RHEX: variants seen among roughly 807,000 people sequenced by gnomAD.
The protein encoded by RHEX is regulator of hemoglobinization and erythroid cell expansion, also known as regulator of hemoglobinization and erythroid cell expansion protein.
A neutral mutation model predicts 20.1 loss-of-function variants in RHEX; 18 were observed. The ratio of observed to expected loss-of-function variants is 0.90; its 90% CI spans 0.62 to 1.33. The LOEUF is 1.33. RHEX is among the 40% of genes most tolerant of loss of function. The pLI is 0.00. For missense variants in RHEX, 192 were observed against 214.3 expected (o/e 0.90, Z 0.65); for synonymous variants, 87 against 77.1 (o/e 1.13, Z -0.67).
chr1:206,078,770 G>A (rs782798404), intron 1 of RHEX, among the ~76,000 whole-genome samples: 4 of 152,062 alleles, frequency 2.6e-5, no homozygotes, highest in Non-Finnish European at 5.9e-5. Context: ...AAGGGGAAGG[G>A]TGGTAGAGGT....
intron 1 of RHEX, among the ~76,000 whole-genome samples, chr1:206,087,697 A>G (rs1367120532): frequency 6.6e-6 from 1 of 152,222 alleles, no homozygotes; most frequent in Non-Finnish European, 1.5e-5. Flanking sequence ...GGTGAGATAT[A>G]ATTTATTTAG....
At chr1:206,085,270 C>T (rs537548416) in intron 1 of RHEX, among the ~76,000 whole-genome samples, 17 of 152,192 alleles carry the variant, frequency 1.1e-4, no homozygotes, top group South Asian at 2.1e-4. Context: ...CTATCCCTGC[C>T]GTGTTTTTAC....
chr1:206,062,817 C>T (rs1553283492), intron 1 of RHEX, among the ~76,000 whole-genome samples: 1 of 152,164 alleles, frequency 6.6e-6, no homozygotes, highest in Non-Finnish European at 1.5e-5. Context: ...TGGAACTTTA[C>T]AATTGATTTA....
At chr1:206,090,766 ATAT>A (rs1258480781) in intron 1 of RHEX, among the ~76,000 whole-genome samples, 3 of 151,844 alleles carry the variant, frequency 2.0e-5, no homozygotes, top group Non-Finnish European at 4.4e-5. Context: ...CTTATAATTA[ATAT>A]TATATTTAGA....
chr1:206,064,048 C>T lies in RHEX; in HGVS notation c.-97+10783C>T, dbSNP rs577181456. 4.6e-5 allele frequency among the ~76,000 whole-genome samples: 7 copies of T among 151,300 alleles called. No individual in the cohort carries two copies. In the East Asian group the frequency reaches 7.9e-4, roughly 17 times the overall value. ...GGGGAGCGCCTTTGCCCCGCCGCCCCGTCTGGGATGTGAGGAGCGCCTCTG... is the reference window on the plus strand; with the variant it reads ...GGGGAGCGCCTTTGCCCCGCCGCCCTGTCTGGGATGTGAGGAGCGCCTCTG... On this transcript the variant is annotated intron_variant, in intron 1 of 5. Transcript: ENST00000331555.
At chr1:206,096,634 G>A (rs1663072818) in intron 1 of RHEX, among the ~76,000 whole-genome samples, 1 of 152,164 alleles carries the variant, frequency 6.6e-6, no homozygotes, top group Non-Finnish European at 1.5e-5. Context: ...AGACAGCTCT[G>A]CCCCTTTTTC....
At chr1:206,063,674 G>A (rs1471384500) in intron 1 of RHEX, among the ~76,000 whole-genome samples, 2 of 152,268 alleles carry the variant, frequency 1.3e-5, no homozygotes, top group African/African-American at 2.4e-5. Flanking sequence ...GATTGCAGAC[G>A]GAGTCTGGTT....
chr1:206,093,975 A>T (rs1205150689), intron 1 of RHEX, among the ~76,000 whole-genome samples: 2 of 152,158 alleles, frequency 1.3e-5, no homozygotes, highest in African/African-American at 4.8e-5. Context: ...CACCGTGCCC[A>T]GCCTAAAGTT....
intron 1 of RHEX, among the ~76,000 whole-genome samples, chr1:206,075,530 T>C (rs1368760502): frequency 6.6e-6 from 1 of 152,070 alleles, no homozygotes; most frequent in Non-Finnish European, 1.5e-5. Context: ...AAAGCATCTG[T>C]TGGTTATAAA....
At chr1:206,093,595 C>A (rs1037036108) in intron 1 of RHEX, among the ~76,000 whole-genome samples, 3 of 152,094 alleles carry the variant, frequency 2.0e-5, no homozygotes, top group Non-Finnish European at 2.9e-5. Context: ...TCATAGAAAT[C>A]ATCTTCTATT....
intron 1 of RHEX, among the ~76,000 whole-genome samples, chr1:206,084,304 A>G (rs1362683069): frequency 6.6e-6 from 1 of 152,212 alleles, no homozygotes; most frequent in Non-Finnish European, 1.5e-5. Context: ...AAAAGCTAAT[A>G]ACAGCACAAA....
intron 5 of RHEX, 92 bp downstream of exon 5, chr1:206,101,289 T>C (rs1208286194): frequency 1.0e-6 from 1 of 993,174 alleles, no homozygotes; most frequent in Admixed American, 2.2e-5. Context: ...CCCAGCTATG[T>C]AGTGGGAGCA....
intron 1 of RHEX, among the ~76,000 whole-genome samples, chr1:206,062,705 G>T (rs962027157): frequency 6.6e-6 from 1 of 152,308 alleles, no homozygotes; most frequent in South Asian, 2.1e-4. Flanking sequence ...GGAAGCATGG[G>T]GGCCACCTGA....
At chr1:206,097,332 C>A (rs989588505) in intron 1 of RHEX, among the ~76,000 whole-genome samples, 2 of 152,018 alleles carry the variant, frequency 1.3e-5, no homozygotes, top group African/African-American at 4.8e-5. Flanking sequence ...TGACCTGTGG[C>A]GCTTCTTGGC....
In RHEX at chr1:206,080,709, A is replaced by G. The variant is rs554928759; in HGVS notation, c.-96-17024A>G. On this transcript the variant is annotated intron_variant, in intron 1 of 5. Coordinates refer to ENST00000331555, the MANE Select transcript of RHEX (RefSeq NM_001007544.4). ...CTCAAAGCAGAGATAAGGGGGCCAC[A>G]TGTCCCAGGGCTTGGCAGTTGGAGC... 2.0e-5 allele frequency among the ~76,000 whole-genome samples: 3 copies of G among 152,328 alleles called. No homozygotes were observed. The South Asian group carries it at 6.2e-4, about 32-fold the overall frequency.
intron 1 of RHEX, among the ~76,000 whole-genome samples, chr1:206,096,781 G>GTT (rs1212622253): frequency 3.4e-4 from 45 of 132,926 alleles, no homozygotes; most frequent in African/African-American, 7.1e-4. Flanking sequence ...TTTTTTTTTG[G>GTT]TTTTTTTTTT....
At chr1:206,072,342 G>A (rs1010741685) in intron 1 of RHEX, among the ~76,000 whole-genome samples, 5 of 152,204 alleles carry the variant, frequency 3.3e-5, no homozygotes, top group Admixed American at 6.5e-5. Context: ...TTGGGAGGCC[G>A]AGGTGGGTGG....
rs781859746 is a variant in RHEX at position 206,097,848 on chromosome 1, G to A, written c.11+9G>A. 3 of 1,591,828 alleles carry A rather than the reference G, an allele frequency of 1.9e-6. No homozygotes were observed. The East Asian group carries it at 6.7e-5, about 36-fold the overall frequency. ...CTCATCATGCTGACAGAGTGAGTGG[G>A]CCCAACAAGAGCAGGAGCAAGGTTC... On this transcript the variant is annotated intron_variant, in intron 2 of 5. Coordinates refer to ENST00000331555, the MANE Select transcript of RHEX (RefSeq NM_001007544.4).
At chr1:206,077,441 C>T (rs574942094) in intron 1 of RHEX, among the ~76,000 whole-genome samples, 34 of 152,092 alleles carry the variant, frequency 2.2e-4, no homozygotes, top group Non-Finnish European at 4.7e-4. Flanking sequence ...TGGTGACCAT[C>T]AAGATGACAT....
Sources: gnomAD v4.1 joint callset for allele counts (sites outside exome capture counted in the v4.1 genomes callset) on GRCh38, gnomAD v4.1.1 for gene constraint, MANE v1.5 for transcripts, NCBI Gene and HGNC (gene_info 2026-07-23, HGNC 2026-07-21) for gene names.